The following COL13A1 variants were observed in gnomAD, a reference collection of about 807,000 sequenced individuals.
COL13A1 encodes the protein collagen alpha-1(XIII) chain.
In COL13A1, 89 loss-of-function variants were observed where a neutral mutation model predicts 130.9. That is an observed-to-expected ratio of 0.68 (90% confidence interval 0.57 to 0.81). The LOEUF is 0.81. COL13A1 is among the 30% of genes least tolerant of loss of function. The probability of loss-of-function intolerance (pLI) is 0.00; values close to 1 mark genes in which losing one functional copy is unlikely to be tolerated. For missense variants in COL13A1, 879 were observed against 934.6 expected, an observed-to-expected ratio of 0.94 and a Z score of 0.78; for synonymous variants, 402 against 341.6, an observed-to-expected ratio of 1.18 and a Z score of -1.95.
chr10:69,823,504 T>G lies in COL13A1; in HGVS notation c.364+1066T>G, dbSNP rs1296228533. On this transcript the variant is annotated intron_variant, in intron 2 of 40. Transcript: ENST00000645393. ...CGATACCCACGGTGGCAGGTGGCAC[T>G]AGCAGGGTGCTCACTGGGCTCTCTG... 2.6e-5 allele frequency among the ~76,000 whole-genome samples: 4 copies of G among 152,240 alleles called. No homozygotes were observed. In the South Asian group the frequency reaches 8.3e-4, roughly 31 times the overall value.
intron 32 of COL13A1, among the ~76,000 whole-genome samples, chr10:69,936,219 G>A (rs1190692747): frequency 2.6e-5 from 4 of 151,854 alleles, no homozygotes; most frequent in Admixed American, 6.6e-5. Flanking sequence ...AGCCCCACTG[G>A]ATTGGCTTTC....
intron 2 of COL13A1, among the ~76,000 whole-genome samples, chr10:69,861,624 G>A (rs940610628): frequency 2.6e-5 from 4 of 152,168 alleles, no homozygotes; most frequent in Non-Finnish European, 4.4e-5. Context: ...CTCCTGCTTC[G>A]TCTACTTGCT....
At chr10:69,884,953 G>A (rs578250311) in intron 7 of COL13A1, among the ~76,000 whole-genome samples, 64 of 152,342 alleles carry the variant, frequency 4.2e-4, no homozygotes, top group African/African-American at 1.3e-3. Context: ...AAGAAATGAC[G>A]CTGGGACAAC....
At chr10:69,877,333 T>C (rs1915458) in intron 5 of COL13A1, 146,918 of 152,926 alleles carry the variant, frequency 0.96, 70,853 homozygotes, top group East Asian at 1. Context: ...ATCACTGACC[T>C]GTGCTCCGTT....
chr10:69,880,190 T>C (rs539288303), intron 6 of COL13A1, among the ~76,000 whole-genome samples: 1 of 152,222 alleles, frequency 6.6e-6, no homozygotes, highest in Admixed American at 6.5e-5. Flanking sequence ...CCCACCACCC[T>C]GTCTCCCCGG....
At chr10:69,820,026 C>T (rs759924813) in intron 1 of COL13A1, among the ~76,000 whole-genome samples, 6 of 152,184 alleles carry the variant, frequency 3.9e-5, no homozygotes, top group Non-Finnish European at 4.4e-5. Flanking sequence ...CTCCAAATAC[C>T]GCATGACTCA....
At chr10:69,864,453 C>T (rs1281375772) in intron 2 of COL13A1, among the ~76,000 whole-genome samples, 2 of 152,224 alleles carry the variant, frequency 1.3e-5, no homozygotes, top group Middle Eastern at 3.4e-3. Context: ...GGCTTCTCAG[C>T]GGGAGGAAAT....
chr10:69,822,584 C>T, intron 2 of COL13A1, 146 bp downstream of exon 2: 1 of 581,440 alleles, frequency 1.7e-6, no homozygotes, highest in Non-Finnish European at 2.8e-6. Context: ...TGGTTGCCTT[C>T]CATCTGCTCA....
intron 2 of COL13A1, among the ~76,000 whole-genome samples, chr10:69,852,595 T>G (rs1233861235): frequency 6.6e-6 from 1 of 152,256 alleles, no homozygotes; most frequent in African/African-American, 2.4e-5. Flanking sequence ...CCTGTCTGGC[T>G]GAGACTCAGC....
chr10:69,830,482 C>T (rs565632044), intron 2 of COL13A1, among the ~76,000 whole-genome samples: 79 of 152,060 alleles, frequency 5.2e-4, no homozygotes, highest in Non-Finnish European at 9.3e-4. Context: ...AAAAAGCAAA[C>T]GACAAGAGAA....
At chr10:69,932,717 A>G in intron 31 of COL13A1, 113 bp downstream of exon 31, 2 of 716,928 alleles carry the variant, frequency 2.8e-6, no homozygotes, top group South Asian at 3.1e-5. Flanking sequence ...ACGTTTACTG[A>G]GCACCACCAT....
chr10:69,914,039 CTT>C (rs2135438515), intron 17 of COL13A1, among the ~76,000 whole-genome samples: 1 of 152,278 alleles, frequency 6.6e-6, no homozygotes, highest in East Asian at 1.9e-4. Context: ...CTGATTGTGT[CTT>C]TACACACTCA....
intron 17 of COL13A1, among the ~76,000 whole-genome samples, chr10:69,910,574 T>C (rs2063261519): frequency 6.6e-6 from 1 of 152,172 alleles, no homozygotes; most frequent in African/African-American, 2.4e-5. Flanking sequence ...CATCAGTTCC[T>C]TGAGATCAAA....
At position 69,944,137 on chromosome 10, in the gene COL13A1, C is replaced by G; in HGVS notation, c.1927C>G (p.Pro643Ala). The G allele has an allele frequency of 6.2e-7, 1 of 1,613,716 alleles. No homozygotes were observed. Among genetic ancestry groups the G allele is most frequent in the Non-Finnish European group, 8.5e-7 (1 of 1,179,684 alleles). Residue 643 changes from proline to alanine, a missense_variant, in exon 36 of 41, where the codon CCA becomes GCA. Pro to Ala is a conservative substitution (Grantham distance 27, BLOSUM62 -1). Around this residue, in one of 3 missense-constraint regions of COL13A1, gnomAD observed 96 missense variants for 147.7 expected, o/e 0.65. Coordinates refer to ENST00000645393, the MANE Select transcript of COL13A1 (RefSeq NM_001368882.1). ...TTCCCCTTCCCAGGGTACTCCAGGA[C>G]CAATTGGAGTTCCAGGCCCAGCGGG... ...GRPGPPGTPGPIGVPGPAGPK... is the reference protein window; with the variant it reads ...GRPGPPGTPGAIGVPGPAGPK...
chr10:69,833,273 T>A (rs1354492439), intron 2 of COL13A1, among the ~76,000 whole-genome samples: 1 of 152,212 alleles, frequency 6.6e-6, no homozygotes, highest in Non-Finnish European at 1.5e-5. Context: ...ACTGCCCTTC[T>A]GGGCAGTTAC....
intron 4 of COL13A1, among the ~76,000 whole-genome samples, chr10:69,874,456 A>T (rs1479192323): frequency 6.6e-6 from 1 of 152,242 alleles, no homozygotes; most frequent in Non-Finnish European, 1.5e-5. Flanking sequence ...GAGGAACAAA[A>T]CTTAATAAGC....
chr10:69,934,484 A>G (rs2066565979), intron 31 of COL13A1, among the ~76,000 whole-genome samples: 1 of 152,162 alleles, frequency 6.6e-6, no homozygotes, highest in Admixed American at 6.5e-5. Context: ...GTGGCCTGGC[A>G]CAGGAGTCAC....
At chr10:69,948,609 T>A (rs1333891221) in intron 38 of COL13A1, among the ~76,000 whole-genome samples, 2 of 152,258 alleles carry the variant, frequency 1.3e-5, no homozygotes, top group African/African-American at 4.8e-5. Flanking sequence ...ATTCCACCTC[T>A]TCATTGGCAT....
intron 4 of COL13A1, among the ~76,000 whole-genome samples, chr10:69,874,064 G>T (rs886782123): frequency 2.0e-4 from 31 of 152,224 alleles, no homozygotes; most frequent in Admixed American, 3.3e-4. Context: ...AAGAGTCAGT[G>T]CTTCTAATCT....
Sources: gnomAD v4.1 joint callset for allele counts (sites outside exome capture counted in the v4.1 genomes callset) on GRCh38, gnomAD v4.1.1 for gene constraint, gnomAD v4.1.1 regional missense constraint, MANE v1.5 for transcripts, NCBI Gene and HGNC (gene_info 2026-07-23, HGNC 2026-07-21) for gene names.